The following GRIP2 variants were observed in gnomAD, a reference collection of about 807,000 sequenced individuals.
The protein encoded by GRIP2 is glutamate receptor interacting protein 2, also known as glutamate receptor-interacting protein 2.
In GRIP2, 58 loss-of-function variants were observed where a neutral mutation model predicts 108.3. The ratio of observed to expected loss-of-function variants is 0.54; its 90% CI spans 0.43 to 0.67. GRIP2 has a LOEUF of 0.67. Among genes scored for constraint, GRIP2 ranks in the 30% least tolerant of loss-of-function variants. The pLI is 0.00. For synonymous variants in GRIP2, 586 were observed against 598.2 expected, an observed-to-expected ratio of 0.98 and a Z score of 0.30; for missense variants, 1,278 against 1,430.6, an observed-to-expected ratio of 0.89 and a Z score of 1.72.
intron 11 of GRIP2, among the ~76,000 whole-genome samples, chr3:14,516,788 A>G (rs531264405): frequency 6.6e-6 from 1 of 152,272 alleles, no homozygotes; most frequent in Non-Finnish European, 1.5e-5. Flanking sequence ...TTCCTCAAGG[A>G]CGTTATCACC....
At chr3:14,564,647 G>A in the GRIP2 span, among the ~76,000 whole-genome samples, 1 of 152,208 alleles carries the variant, frequency 6.6e-6, no homozygotes, top group Non-Finnish European at 1.5e-5. Flanking sequence ...TATGTACCAG[G>A]CATTTCTCTT....
chr3:14,532,799 TGAG>T (rs1694744096), intron 1 of GRIP2, among the ~76,000 whole-genome samples: 1 of 151,196 alleles, frequency 6.6e-6, no homozygotes, highest in Non-Finnish European at 1.5e-5. Flanking sequence ...CCTGTAGAGT[TGAG>T]GGCGGGGCTC....
At chr3:14,599,863 TCACA>T in the GRIP2 span, among the ~76,000 whole-genome samples, 1 of 150,982 alleles carries the variant, frequency 6.6e-6, no homozygotes, top group Non-Finnish European at 1.5e-5. Context: ...ACAAACACAG[TCACA>T]CACACACAGA....
intron 21 of GRIP2, among the ~76,000 whole-genome samples, chr3:14,497,694 A>G (rs1305996059): frequency 6.6e-6 from 1 of 152,208 alleles, no homozygotes; most frequent in Non-Finnish European, 1.5e-5. Context: ...CGACTGCCAC[A>G]TGAAGACTGG....
chr3:14,558,354 G>A (rs1373002335), upstream of GRIP2, among the ~76,000 whole-genome samples: 1 of 152,194 alleles, frequency 6.6e-6, no homozygotes, highest in East Asian at 1.9e-4. Context: ...GCTTAGCCCA[G>A]GGAGGGCAGG....
At position 14,540,180 on chromosome 3, in the gene GRIP2, C is replaced by A. The variant is rs1694931338; in HGVS notation, c.40+89G>T. 1.3e-6 allele frequency: 2 copies of A among 1,497,750 alleles called. No homozygotes were observed. The highest frequency in any genetic ancestry group is 1.3e-5 in the South Asian group (1 of 76,658). 92.8% of individuals were successfully genotyped at this position (1,497,750 alleles called of 1,614,324 possible). ...AGGGAGTGGCAGTCCCAGGTCTCAGCCATCCAGTCCCCTCTCTCTGGGCAG... is the reference window on the plus strand; with the variant it reads ...AGGGAGTGGCAGTCCCAGGTCTCAGACATCCAGTCCCCTCTCTCTGGGCAG... On this transcript the variant is annotated intron_variant, in intron 1 of 23. Coordinates refer to ENST00000621039, the MANE Select transcript of GRIP2 (RefSeq NM_001080423.4). The surrounding 1 kb of genome is among the most constrained non-coding windows in gnomAD (Gnocchi z 4.1).
chr3:14,539,892 CT>C (rs1694919950), intron 1 of GRIP2, among the ~76,000 whole-genome samples: 1 of 152,180 alleles, frequency 6.6e-6, no homozygotes, highest in Non-Finnish European at 1.5e-5. Context: ...GCTCTCACCC[CT>C]CTGGGTCGGA....
intron 1 of GRIP2, among the ~76,000 whole-genome samples, chr3:14,535,238 G>C (rs1300294076): frequency 9.2e-5 from 14 of 152,192 alleles, no homozygotes; most frequent in Non-Finnish European, 2.9e-5. Context: ...TGGGAAGGGA[G>C]GGATAGGCTT....
At chr3:14,573,339 G>T in the GRIP2 span, 2 of 1,380,638 alleles carry the variant, frequency 1.4e-6, no homozygotes, top group South Asian at 1.2e-5. Flanking sequence ...GTAGATGATG[G>T]CTATGTGGTG....
upstream of GRIP2, chr3:14,542,186 C>G: frequency 3.0e-6 from 2 of 663,016 alleles, no homozygotes; most frequent in South Asian, 4.0e-5. Flanking sequence ...CACAGCGTCT[C>G]ACTCTGTCAC....
At chr3:14,548,151 G>A (rs1220276426) in intron 1 of GRIP2, among the ~76,000 whole-genome samples, 1 of 152,162 alleles carries the variant, frequency 6.6e-6, no homozygotes, top group Non-Finnish European at 1.5e-5. Flanking sequence ...TCCAGGGAGA[G>A]GGCACAGCCT....
rs375095223 is a variant in GRIP2 at position 14,512,802 on chromosome 3, G to A, written c.1695C>T (p.Ser565=). The A allele has an allele frequency of 2.4e-5, 38 of 1,613,520 alleles. No individual in the cohort carries two copies. In the East Asian group the frequency reaches 5.3e-4, roughly 23 times the overall value. ...TFHVKLPKKR[S]VELGITISSA... ...AGCTGATGGTGATGCCCAGCTCCAC[G>A]CTGCGCTTCTTGGGCAGCTTCACGT... is the stretch of plus-strand genomic sequence containing the variant. The change falls in exon 14 of 24, where the codon AGC becomes AGT. Residue 565 remains serine (S), a synonymous_variant. Coordinates refer to ENST00000621039, the MANE Select transcript of GRIP2 (RefSeq NM_001080423.4). This position sits in a 1 kb window ranked among gnomAD's most constrained non-coding sequence, Gnocchi z 5.1.
the GRIP2 span, among the ~76,000 whole-genome samples, chr3:14,561,467 C>A: frequency 1.3e-5 from 2 of 152,242 alleles, no homozygotes; most frequent in African/African-American, 4.8e-5. Flanking sequence ...AAAGGTCACA[C>A]AGCCACTAAG....
chr3:14,574,309 G>T, the GRIP2 span: 2 of 994,928 alleles, frequency 2.0e-6, no homozygotes, highest in Non-Finnish European at 1.6e-6. Flanking sequence ...AGCCCATACA[G>T]CCGCTTCTCC....
In GRIP2 at chr3:14,529,295, A is replaced by G. The variant is rs1404859377; in HGVS notation, c.41-3364T>C. On this transcript the variant is annotated intron_variant, in intron 1 of 23. Transcript: ENST00000621039. ...CTCCGTCTCAAAAAAAAAAAAAAAA[A>G]AAAAAAAGGAAAAACACTTGTATAA... Among the ~76,000 whole-genome samples, 5 of 123,316 alleles carry G rather than the reference A, an allele frequency of 4.1e-5. No homozygotes were observed. In the East Asian group the frequency reaches 1.1e-3, roughly 26 times the overall value. 80.9% of individuals were successfully genotyped at this position (123,316 alleles called of 152,430 possible).
At chr3:14,592,592 C>A in the GRIP2 span, among the ~76,000 whole-genome samples, 1 of 152,214 alleles carries the variant, frequency 6.6e-6, no homozygotes, top group Admixed American at 6.5e-5. Context: ...GGGCTCTTTT[C>A]CCTGGCCAGA....
chr3:14,574,646 A>G, the GRIP2 span: 1 of 661,040 alleles, frequency 1.5e-6, no homozygotes, highest in Non-Finnish European at 2.8e-6. Flanking sequence ...TGTCCATCTC[A>G]TCAGGGAAAT....
chr3:14,548,456 C>A (rs986735247), intron 1 of GRIP2, among the ~76,000 whole-genome samples: 1 of 152,062 alleles, frequency 6.6e-6, no homozygotes, highest in African/African-American at 2.4e-5. Context: ...TGCAGCGACT[C>A]CCCCTTGTGG....
In GRIP2 at chr3:14,521,622, C is replaced by T. The variant is rs1157452001; in HGVS notation, c.712+20G>A. The stretch of plus-strand genomic sequence containing the variant: ...AGGCCTCCTCCTGCCCCAACCCACA[C>T]ACTCAGGCCCCCAACTCACCAGGGG... On this transcript the variant is annotated intron_variant, in intron 7 of 23. Transcript: ENST00000621039. The surrounding 1 kb of genome is among the most constrained non-coding windows in gnomAD (Gnocchi z 5.1). The T allele has an allele frequency of 6.3e-7, 1 of 1,590,014 alleles. No homozygotes were observed. The highest frequency in any genetic ancestry group is 8.6e-7 in the Non-Finnish European group (1 of 1,165,982).
Sources: allele counts gnomAD v4.1 joint callset (sites outside exome capture counted in the v4.1 genomes callset), GRCh38; gene constraint gnomAD v4.1.1; non-coding constraint Gnocchi (gnomAD v3.1); transcripts MANE v1.5; gene names NCBI Gene and HGNC (gene_info 2026-07-23, HGNC 2026-07-21).